Variants in VPS13C observed in about 807,000 individuals in gnomAD.
The protein encoded by VPS13C is vacuolar protein sorting 13 homolog C.
A neutral mutation model predicts 456.8 loss-of-function variants in VPS13C; 358 were observed. That is an observed-to-expected ratio of 0.78 (90% confidence interval 0.72 to 0.86). The LOEUF is 0.86. Ranked by LOEUF, VPS13C falls within the 40% of genes least tolerant of loss-of-function variation. The pLI, the probability that VPS13C is intolerant of heterozygous loss-of-function variation, is 0.00. For missense variants in VPS13C, 4,818 were observed against 4,385.4 expected, an observed-to-expected ratio of 1.10 and a Z score of -2.79; for synonymous variants, 1,578 against 1,486.7, an observed-to-expected ratio of 1.06 and a Z score of -1.41.
intron 52 of VPS13C, among the ~76,000 whole-genome samples, chr15:61,926,598 A>C (rs1243420081): frequency 6.6e-6 from 1 of 152,228 alleles, no homozygotes; most frequent in African/African-American, 2.4e-5. Flanking sequence ...CTTACCATAA[A>C]ATTATCAATA....
At position 61,950,990 on chromosome 15, in the gene VPS13C, A is replaced by G. The variant is rs753996846; in HGVS notation, c.4491T>C (p.Ser1497=). Residue 1497 remains serine, a synonymous_variant, in exon 40 of 85, where the codon TCT becomes TCC. Coordinates refer to ENST00000644861, the MANE Select transcript of VPS13C (RefSeq NM_020821.3). ...GAAGGGGTTCGTCAGTCACATTAGA[A>G]GAGTTAATAATGTGAAGAGGTTCCC... The part of the protein sequence containing the change: ...SKGEPLHIIN[S]SNVTDEPLLK... 6.2e-7 allele frequency: 1 copy of G among 1,604,916 alleles called. No individual in the cohort carries two copies. Among genetic ancestry groups the G allele is most frequent in the South Asian group, 1.1e-5 (1 of 89,040 alleles).
In VPS13C at chr15:62,016,472, C is replaced by A. The variant is rs907035702; in HGVS notation, c.685-2480G>T. 5.2e-5 allele frequency among the ~76,000 whole-genome samples: 7 copies of A among 134,956 alleles called. No individual in the cohort carries two copies. In the East Asian group the frequency reaches 1.6e-3, roughly 31 times the overall value. 88.5% of individuals were successfully genotyped at this position (134,956 alleles called of 152,430 possible). On this transcript the variant is annotated intron_variant, in intron 9 of 84. Coordinates refer to ENST00000644861, the MANE Select transcript of VPS13C (RefSeq NM_020821.3). ...GTGTGTGATATTCCCCTTCCTGTGT[C>A]CAAGTGTTCTCATTGTTCAATTCCC... is the stretch of plus-strand genomic sequence containing the variant.
chr15:62,015,778 G>A (rs991793506), intron 9 of VPS13C, among the ~76,000 whole-genome samples: 6 of 114,830 alleles, frequency 5.2e-5, no homozygotes, highest in Admixed American at 1.9e-4. Flanking sequence ...GACTGTGGTG[G>A]GGTCGGGGGA....
At chr15:62,015,532 T>C (rs1290388353) in intron 9 of VPS13C, among the ~76,000 whole-genome samples, 1 of 150,018 alleles carries the variant, frequency 6.7e-6, no homozygotes, top group Non-Finnish European at 1.5e-5. Context: ...AACCCAAATG[T>C]CCAACAATGA....
chr15:61,943,072 G>A (rs1263532082), intron 45 of VPS13C, among the ~76,000 whole-genome samples: 1 of 151,998 alleles, frequency 6.6e-6, no homozygotes, highest in Non-Finnish European at 1.5e-5. Flanking sequence ...GGAGGTGAAG[G>A]ATCTTTACAA....
chr15:61,996,360 T>C (rs2046386239), intron 16 of VPS13C, among the ~76,000 whole-genome samples: 1 of 152,196 alleles, frequency 6.6e-6, no homozygotes, highest in Non-Finnish European at 1.5e-5. Context: ...ATAACTTAAC[T>C]AGGTTGTACA....
chr15:61,966,639 A>G (rs947453572), intron 29 of VPS13C, among the ~76,000 whole-genome samples: 1 of 151,948 alleles, frequency 6.6e-6, no homozygotes, highest in Non-Finnish European at 1.5e-5. Context: ...GAACATAAAC[A>G]AATTCAAACT....
At chr15:61,908,575 G>A (rs2043212112) in intron 65 of VPS13C, among the ~76,000 whole-genome samples, 1 of 151,908 alleles carries the variant, frequency 6.6e-6, no homozygotes, top group Admixed American at 6.6e-5. Flanking sequence ...ACTAAATACA[G>A]ATTTATAGGA....
intron 11 of VPS13C, among the ~76,000 whole-genome samples, 168 bp from the exon 12 acceptor site, chr15:62,012,332 T>G (rs1596474837): frequency 6.6e-6 from 1 of 151,788 alleles, no homozygotes; most frequent in South Asian, 2.1e-4. Context: ...GGAGCATTAT[T>G]TATAAGTATA....
At chr15:62,008,804 A>AT in intron 13 of VPS13C, 43 bp from the exon 14 acceptor site, 1 of 1,201,334 alleles carries the variant, frequency 8.3e-7, no homozygotes, top group South Asian at 1.8e-5. Context: ...CACTGTATAT[A>AT]TAAAAAAAAG....
At chr15:61,882,556 A>G in intron 69 of VPS13C, 40 bp downstream of exon 69, 1 of 1,449,318 alleles carries the variant, frequency 6.9e-7, no homozygotes, top group Non-Finnish European at 9.1e-7. Flanking sequence ...CAAGATTCCC[A>G]AAGTGATGAT....
chr15:62,005,079 T>G (rs2046784054), intron 15 of VPS13C, among the ~76,000 whole-genome samples: 2 of 152,038 alleles, frequency 1.3e-5, no homozygotes, highest in Non-Finnish European at 2.9e-5. Context: ...GTATCCTTGT[T>G]GACTTTCTGT....
intron 28 of VPS13C, 25 bp downstream of exon 28, chr15:61,969,274 T>C (rs760078887): frequency 3.3e-6 from 5 of 1,514,610 alleles, no homozygotes; most frequent in Non-Finnish European, 4.5e-6. Flanking sequence ...TTATAGGCTA[T>C]TATTTCTATT....
intron 30 of VPS13C, among the ~76,000 whole-genome samples, chr15:61,965,471 T>A (rs990366777): frequency 8.6e-5 from 13 of 151,938 alleles, no homozygotes; most frequent in South Asian, 4.1e-4. Context: ...GAATGGGTAG[T>A]TTTCTAATAG....
intron 5 of VPS13C, among the ~76,000 whole-genome samples, chr15:62,032,634 A>G (rs1420527285): frequency 1.3e-5 from 2 of 151,804 alleles, no homozygotes; most frequent in Non-Finnish European, 3.0e-5. Flanking sequence ...AAGAAATCTT[A>G]TATCTAAATA....
At chr15:61,860,953 C>CT (rs781045840) in intron 82 of VPS13C, among the ~76,000 whole-genome samples, 2,549 of 89,704 alleles carry the variant, frequency 0.028, 126 homozygotes, top group East Asian at 0.046. Context: ...TATTTTCTTT[C>CT]TTTTTTTTTT....
At chr15:61,989,288 T>C (rs1458665250) in intron 18 of VPS13C, among the ~76,000 whole-genome samples, 2 of 151,352 alleles carry the variant, frequency 1.3e-5, no homozygotes, top group Admixed American at 6.6e-5. Context: ...TAATTCCAGC[T>C]ACTCGGGTGG....
chr15:61,966,384 C>T (rs1251879265), intron 29 of VPS13C, among the ~76,000 whole-genome samples: 1 of 151,810 alleles, frequency 6.6e-6, no homozygotes, highest in Non-Finnish European at 1.5e-5. Flanking sequence ...AGCTAAGAAT[C>T]AGAATGACAA....
chr15:61,998,923 T>C (rs1042140617), intron 16 of VPS13C, among the ~76,000 whole-genome samples: 2 of 152,258 alleles, frequency 1.3e-5, no homozygotes, highest in Admixed American at 6.5e-5. Context: ...TTTCACTTTC[T>C]TATAATTTTC....
Sources: gnomAD v4.1 joint callset for allele counts (sites outside exome capture counted in the v4.1 genomes callset) on GRCh38, gnomAD v4.1.1 for gene constraint, MANE v1.5 for transcripts, NCBI Gene and HGNC (gene_info 2026-07-23, HGNC 2026-07-21) for gene names.